Variants in ATRNL1 observed in about 807,000 individuals in gnomAD.
The protein encoded by ATRNL1 is attractin-like protein 1.
ATRNL1 carries 95 observed loss-of-function variants against 182.7 expected under a neutral mutation model. The ratio of observed to expected loss-of-function variants is 0.52; its 90% CI spans 0.44 to 0.62. The LOEUF (loss-of-function observed/expected upper bound fraction) is 0.62, where lower values mean the gene tolerates loss of function less well. Among genes scored for constraint, ATRNL1 ranks in the 20% least tolerant of loss-of-function variants. The probability of loss-of-function intolerance (pLI) is 0.00; values close to 1 mark genes in which losing one functional copy is unlikely to be tolerated. For missense variants in ATRNL1, 1,471 were observed against 1,679.5 expected (o/e 0.88, Z 2.17); for synonymous variants, 576 against 568.3 (o/e 1.01, Z -0.19).
At chr10:115,898,922 T>A (rs1483788103) in intron 28 of ATRNL1, among the ~76,000 whole-genome samples, 1 of 151,736 alleles carries the variant, frequency 6.6e-6, no homozygotes, top group Non-Finnish European at 1.5e-5. Context: ...AATATGAAAC[T>A]TTTTTTGTTT....
At chr10:115,735,270 T>C (rs1555065098) in intron 27 of ATRNL1, among the ~76,000 whole-genome samples, 1 of 152,204 alleles carries the variant, frequency 6.6e-6, no homozygotes, top group Non-Finnish European at 1.5e-5. Flanking sequence ...AGTATCCTCT[T>C]ATTGTTTACA....
chr10:115,733,449 C>T (rs148447160), intron 27 of ATRNL1, among the ~76,000 whole-genome samples: 15 of 152,294 alleles, frequency 9.8e-5, no homozygotes, highest in African/African-American at 3.6e-4. Context: ...CTAATTTTGA[C>T]ATCACATTGA....
At chr10:115,167,487 T>C (rs2144060073) in intron 7 of ATRNL1, among the ~76,000 whole-genome samples, 1 of 152,162 alleles carries the variant, frequency 6.6e-6, no homozygotes, top group African/African-American at 2.4e-5. Flanking sequence ...TTTTATGTAT[T>C]TGTGGGATTC....
intron 15 of ATRNL1, among the ~76,000 whole-genome samples, chr10:115,292,794 T>A (rs1332047787): frequency 6.6e-6 from 1 of 152,152 alleles, no homozygotes; most frequent in African/African-American, 2.4e-5. Context: ...TGGTCATTCC[T>A]GGAGAATGTT....
In ATRNL1 at chr10:115,315,739, A is replaced by G; in HGVS notation, c.3037+3A>G. On this transcript the variant is annotated splice_donor_region_variant and intron_variant, in intron 18 of 28. Transcript: ENST00000355044. ...GTGGTCCTTTATCCAGTGTCCAGGTAATAATAATGTAATGGAAACAATTTC... is the reference window on the plus strand; with the variant it reads ...GTGGTCCTTTATCCAGTGTCCAGGTGATAATAATGTAATGGAAACAATTTC... 2 of 1,607,378 alleles carry G rather than the reference A, an allele frequency of 1.2e-6. No homozygotes were observed. The highest frequency in any genetic ancestry group is 1.1e-5 in the South Asian group (1 of 90,650).
chr10:115,774,394 C>T (rs1386023221), intron 27 of ATRNL1, among the ~76,000 whole-genome samples: 3 of 140,714 alleles, frequency 2.1e-5, no homozygotes, highest in Non-Finnish European at 4.5e-5. Flanking sequence ...CACTGCACTC[C>T]AGCCTGGGCG....
chr10:115,912,069 G>A (rs756166710), intron 28 of ATRNL1, among the ~76,000 whole-genome samples: 9 of 152,112 alleles, frequency 5.9e-5, no homozygotes, highest in Admixed American at 1.3e-4. Flanking sequence ...TTGGGACATC[G>A]GGAAGCATTT....
chr10:115,536,047 C>T (rs926707111), intron 25 of ATRNL1, among the ~76,000 whole-genome samples: 9 of 152,014 alleles, frequency 5.9e-5, no homozygotes, highest in East Asian at 1.9e-4. Flanking sequence ...TTAGGCTTCT[C>T]GGGGGTCAGG....
chr10:115,409,371 T>C (rs1554959249), intron 20 of ATRNL1, among the ~76,000 whole-genome samples: 1 of 152,192 alleles, frequency 6.6e-6, no homozygotes, highest in Non-Finnish European at 1.5e-5. Flanking sequence ...TACTTTGTTG[T>C]TTGTATATTG....
chr10:115,145,847 G>A (rs1170165521), intron 5 of ATRNL1, among the ~76,000 whole-genome samples: 2 of 151,964 alleles, frequency 1.3e-5, no homozygotes, highest in African/African-American at 2.4e-5. Flanking sequence ...TTTTGCTAAC[G>A]TAGCATAGTC....
intron 26 of ATRNL1, among the ~76,000 whole-genome samples, chr10:115,565,484 A>G (rs1358783641): frequency 1.3e-5 from 2 of 152,122 alleles, no homozygotes; most frequent in Non-Finnish European, 2.9e-5. Context: ...ATGCAAGTAT[A>G]CATTTGTACC....
Position 115,431,588 on chromosome 10 carries a change from T to C in ATRNL1, c.3322+5286T>C, listed in dbSNP as rs139679141. On this transcript the variant is annotated intron_variant, in intron 21 of 28. Coordinates refer to ENST00000355044, the MANE Select transcript of ATRNL1 (RefSeq NM_207303.4). ...CCCTGTATTTTTTATTTATTCCCTT[T>C]ACTACTTTTATGTATGTATTTATTT... Among the ~76,000 whole-genome samples, 383 of 152,262 alleles carry C rather than the reference T, an allele frequency of 2.5e-3. 8 individuals carry two copies. Among genetic ancestry groups the C allele is most frequent in the Admixed American group, 0.019 (298 of 15,294 alleles).
intron 6 of ATRNL1, among the ~76,000 whole-genome samples, chr10:115,163,443 A>T (rs1846894133): frequency 6.6e-6 from 1 of 150,882 alleles, no homozygotes; most frequent in African/African-American, 2.4e-5. Context: ...GGCTCACTGC[A>T]GCCTTGAGCT....
intron 21 of ATRNL1, among the ~76,000 whole-genome samples, chr10:115,434,004 A>G (rs890995161): frequency 2.0e-5 from 3 of 152,062 alleles, no homozygotes; most frequent in African/African-American, 7.2e-5. Context: ...CTTTCTCACT[A>G]AGCCATGTAC....
chr10:115,388,396 T>C (rs1554953238), intron 19 of ATRNL1, among the ~76,000 whole-genome samples: 3 of 152,188 alleles, frequency 2.0e-5, no homozygotes, highest in African/African-American at 7.2e-5. Flanking sequence ...TTGTCATATT[T>C]AATGCTTTTT....
chr10:115,484,119 CTTT>C (rs5788104), intron 24 of ATRNL1, among the ~76,000 whole-genome samples: 2 of 148,116 alleles, frequency 1.4e-5, no homozygotes, highest in African/African-American at 4.9e-5. Context: ...TTCTGATTAT[CTTT>C]TTTTTTTTCA....
rs781856153 is a variant in ATRNL1, at chr10:115,383,154, A to G, written c.3176-11505A>G. On this transcript the variant is annotated intron_variant, in intron 19 of 28. Transcript: ENST00000355044. ...TCTCTCTACTGGTCTTTTTCCTTTTAGTGTGGTACATTGCATTTACTGATT... is the reference window on the plus strand; with the variant it reads ...TCTCTCTACTGGTCTTTTTCCTTTTGGTGTGGTACATTGCATTTACTGATT... Among the ~76,000 whole-genome samples, 175 of 122,956 alleles carry G rather than the reference A, an allele frequency of 1.4e-3. 2 individuals are homozygous for G. Among genetic ancestry groups the G allele is most frequent in the African/African-American group, 3.7e-3 (128 of 34,398 alleles). 80.7% of individuals were successfully genotyped at this position (122,956 alleles called of 152,430 possible). A position where few individuals can be genotyped will look rare whatever the true frequency, so the allele number is the denominator to read the frequency against.
At chr10:115,527,979 TCCCTCCCTCCCTCCCTC>T (rs1554987107) in intron 25 of ATRNL1, among the ~76,000 whole-genome samples, 1 of 16,786 alleles carries the variant, frequency 6.0e-5, no homozygotes, top group African/African-American at 3.4e-4. Flanking sequence ...CCTCCTTCCC[TCCCTCCCTCCCTCCCTC>T]CCTTCCTTCC....
intron 27 of ATRNL1, among the ~76,000 whole-genome samples, chr10:115,728,111 TAAAAAAAAAAAAAAAAG>T (rs1431399051): frequency 4.5e-5 from 2 of 44,374 alleles, no homozygotes; most frequent in Admixed American, 2.9e-4. Context: ...CCGTCTCTAC[TAAAAAAAAAAAAAAAAG>T]AAAAAAAAAA....
Sources: gnomAD v4.1 joint callset for allele counts (sites outside exome capture counted in the v4.1 genomes callset) on GRCh38, gnomAD v4.1.1 for gene constraint, MANE v1.5 for transcripts, NCBI Gene and HGNC (gene_info 2026-07-23, HGNC 2026-07-21) for gene names.